TERB1: variants seen among roughly 807,000 people sequenced by gnomAD.
The protein encoded by TERB1 is telomere repeats-binding bouquet formation protein 1.
TERB1 carries 63 observed loss-of-function variants against 92.3 expected under a neutral mutation model. That is an observed-to-expected ratio of 0.68 (90% CI 0.56 to 0.84). TERB1 has a LOEUF of 0.84. Among genes scored for constraint, TERB1 ranks in the 40% least tolerant of loss-of-function variants. TERB1 has a pLI of 0.00. For missense variants in TERB1, 709 were observed against 843.7 expected, an observed-to-expected ratio of 0.84 and a Z score of 1.98; for synonymous variants, 252 against 283.9, an observed-to-expected ratio of 0.89 and a Z score of 1.13.
In TERB1 at chr16:66,758,832, A is replaced by C; in HGVS notation, c.1937T>G (p.Leu646Arg). The change falls in exon 18 of 19, where the codon CTG becomes CGG. Residue 646 changes from leucine to arginine, a missense_variant. Coordinates refer to ENST00000433154, the MANE Select transcript of TERB1 (RefSeq NM_001136505.2). Reference protein sequence around the residue: ...RKSLICNKKILLTPRRRQRLS... With the variant: ...RKSLICNKKIRLTPRRRQRLS... ...TCGTTGTCTTCTACGTGGGGTCAGC[A>C]GAATTTCTGAAAAATATGGAAAACA... 1 of 1,531,712 alleles carries C rather than the reference A, an allele frequency of 6.5e-7. No individual in the cohort carries two copies. The highest frequency in any genetic ancestry group is 1.2e-5 in the South Asian group (1 of 81,196). The allele number at this position is 1,531,712 out of a possible 1,614,324, so 94.9% of individuals were successfully genotyped here. A position where few individuals can be genotyped will look rare whatever the true frequency, so the allele number is the denominator to read the frequency against.
intron 17 of TERB1, 58 bp downstream of exon 17, chr16:66,759,083 G>T: frequency 7.5e-7 from 1 of 1,336,248 alleles, no homozygotes; most frequent in South Asian, 1.5e-5. Context: ...TAATGCTTTA[G>T]ATAATAGTTC....
Position 66,790,595 on chromosome 16 carries a change from C to A in TERB1, c.271G>T (p.Val91Phe). The A allele has an allele frequency of 6.5e-7, 1 of 1,535,604 alleles. No homozygotes were observed. Among genetic ancestry groups the A allele is most frequent in the East Asian group, 2.5e-5 (1 of 40,646 alleles). ...AATGAAATAAAGTTTTATATTTTAC[C>A]ATTTTTCTCTGCAATAGCTCCTAAT... ...YTLGAIAEKN[V>F]YCQQTLCTSE... is the part of the protein sequence containing the mutation. Residue 91 changes from valine to phenylalanine, a missense_variant and splice_region_variant, in exon 5 of 19, where the codon GTT becomes TTT. Coordinates refer to ENST00000433154, the MANE Select transcript of TERB1 (RefSeq NM_001136505.2).
chr16:66,775,709 A>ATTTT (rs201460994), intron 11 of TERB1, among the ~76,000 whole-genome samples: 2 of 129,602 alleles, frequency 1.5e-5, no homozygotes, highest in African/African-American at 2.9e-5. Flanking sequence ...TTTCAAAAGG[A>ATTTT]TTTTTTTTTT....
intron 2 of TERB1, among the ~76,000 whole-genome samples, chr16:66,799,385 G>A (rs1028725867): frequency 2.4e-4 from 36 of 152,044 alleles, no homozygotes; most frequent in South Asian, 4.2e-4. Flanking sequence ...GCACCACCAT[G>A]CCTGGCTAAT....
chr16:66,789,815 A>G (rs1289844487), intron 5 of TERB1, among the ~76,000 whole-genome samples: 4 of 150,986 alleles, frequency 2.6e-5, no homozygotes, highest in Non-Finnish European at 5.9e-5. Context: ...GGCTCAAGCA[A>G]TCTCCCACCT....
At position 66,790,630 on chromosome 16, in the gene TERB1, G is replaced by A. The variant is rs899010486; in HGVS notation, c.236C>T (p.Ala79Val). 15 of 1,549,260 alleles carry A rather than the reference G, an allele frequency of 9.7e-6. No individual in the cohort carries two copies. In the South Asian group the frequency reaches 1.3e-4, roughly 14 times the overall value. ...SSEHSMVKEA[A>V]LYTLGAIAEK... is the part of the protein sequence containing the mutation. ...TGCAATAGCTCCTAATGTATATAAG[G>A]CTGCTTCTTTTACCATGCTATGTTC... The change falls in exon 5 of 19, where the codon GCC becomes GTC. Residue 79 changes from alanine (A) to valine (V), a missense_variant. Coordinates refer to ENST00000433154, the MANE Select transcript of TERB1 (RefSeq NM_001136505.2).
rs1477309930 is a variant in TERB1, at chr16:66,785,903, T to G, written c.583A>C (p.Asn195His). 6.5e-7 allele frequency: 1 copy of G among 1,542,534 alleles called. No homozygotes were observed. The highest frequency in any genetic ancestry group is 1.4e-5 in the African/African-American group (1 of 72,824). Residue 195 changes from asparagine (N) to histidine (H), a missense_variant, in exon 9 of 19, where the codon AAT becomes CAT. Transcript: ENST00000433154. The stretch of plus-strand genomic sequence containing the variant: ...AAAAGGGAACAGCAAAACATTTGAT[T>G]CTCATCTGAAAGAAGACAAAGTCAA... ...VCVNNPQNDE[N>H]QMFCCSLFPH...
At chr16:66,801,310 C>CT (rs1959285056) in intron 1 of TERB1, among the ~76,000 whole-genome samples, 158 bp downstream of exon 1, 1 of 152,222 alleles carries the variant, frequency 6.6e-6, no homozygotes, top group Admixed American at 6.5e-5. Context: ...ATGACTGTCT[C>CT]TTCCCGCCAA....
Position 66,777,326 on chromosome 16 carries a change from C to A in TERB1, c.862G>T (p.Gly288Trp). The change falls in exon 11 of 19, where the codon GGG becomes TGG. Residue 288 changes from glycine to tryptophan, a missense_variant. By Grantham distance (184) the Gly-to-Trp change is radical. Transcript: ENST00000433154. ...ATGTGGTACTTGGAGAGTACTATCC[C>A]AAAAGTAGCTATTAGTATAAAATAG... ...DACIADNPTF[G>W]IVLSKYHIVS... The A allele has an allele frequency of 6.5e-7, 1 of 1,536,482 alleles. No individual in the cohort carries two copies. The highest frequency in any genetic ancestry group is 1.2e-5 in the South Asian group (1 of 83,192).
intron 13 of TERB1, among the ~76,000 whole-genome samples, 163 bp from the exon 14 acceptor site, chr16:66,770,472 A>T (rs771994919): frequency 2.0e-5 from 3 of 151,698 alleles, no homozygotes; most frequent in Non-Finnish European, 3.0e-5. Flanking sequence ...GAGTTTATTC[A>T]TTAAACAATA....
intron 14 of TERB1, among the ~76,000 whole-genome samples, chr16:66,769,162 A>G (rs1031259659): frequency 1.3e-5 from 2 of 152,046 alleles, no homozygotes; most frequent in Non-Finnish European, 2.9e-5. Context: ...ACTCTATAGG[A>G]GAAAGAAGGG....
At chr16:66,762,030 C>T (rs569375273) in intron 16 of TERB1, among the ~76,000 whole-genome samples, 1 of 152,136 alleles carries the variant, frequency 6.6e-6, no homozygotes, top group South Asian at 2.1e-4. Flanking sequence ...GCCAGCCTGG[C>T]GACAGAGTGA....
intron 2 of TERB1, among the ~76,000 whole-genome samples, chr16:66,797,661 A>T (rs1041304797): frequency 2.0e-5 from 3 of 148,488 alleles, no homozygotes; most frequent in Non-Finnish European, 3.0e-5. Context: ...ACACACACAC[A>T]CTCTTTAGAT....
At chr16:66,789,948 T>A (rs1466352765) in intron 5 of TERB1, among the ~76,000 whole-genome samples, 3 of 152,082 alleles carry the variant, frequency 2.0e-5, no homozygotes, top group Non-Finnish European at 2.9e-5. Flanking sequence ...TGAGGTCAAG[T>A]GATCCACCTG....
chr16:66,796,304 T>C (rs1358026708), intron 3 of TERB1, among the ~76,000 whole-genome samples: 2 of 152,224 alleles, frequency 1.3e-5, no homozygotes, highest in Non-Finnish European at 2.9e-5. Context: ...ATTTCCAAGA[T>C]ACCACATTCC....
In TERB1 at chr16:66,775,221, A is replaced by G. The variant is rs374234107; in HGVS notation, c.1008T>C (p.Phe336=). 46 of 1,550,958 alleles carry G rather than the reference A, an allele frequency of 3.0e-5. 1 individual carries two copies. In the Middle Eastern group the frequency reaches 1.2e-3, roughly 39 times the overall value. Reference sequence around the variant, plus strand: ...TCATGAGTGGAAGCCCATTGTTTTTAAAAAGGTCATACTGATTTTCCTCTG... The same window carrying G: ...TCATGAGTGGAAGCCCATTGTTTTTGAAAAGGTCATACTGATTTTCCTCTG... ...EDCEENQYDL[F]KNNGLPLMIQ... The change falls in exon 12 of 19, where the codon TTT becomes TTC. Residue 336 remains phenylalanine (F), a synonymous_variant. Coordinates refer to ENST00000433154, the MANE Select transcript of TERB1 (RefSeq NM_001136505.2).
intron 12 of TERB1, among the ~76,000 whole-genome samples, chr16:66,773,842 T>C (rs964298233): frequency 2.0e-5 from 3 of 152,210 alleles, no homozygotes; most frequent in Non-Finnish European, 4.4e-5. Flanking sequence ...CTGATGTCCC[T>C]GATGTCTAGC....
At position 66,759,283 on chromosome 16, in the gene TERB1, T is replaced by C. The variant is rs1481922359; in HGVS notation, c.1788A>G (p.Ile596Met). ...GGCTATTCAGGGATTTTTCTACTGCTATGCAACCTAAAAGAAAACAAATTA... is the reference window on the plus strand; with the variant it reads ...GGCTATTCAGGGATTTTTCTACTGCCATGCAACCTAAAAGAAAACAAATTA... ...EMLTYRCSGC[I>M]AVEKSLNSRN... is the part of the protein sequence containing the mutation. Residue 596 changes from isoleucine (I) to methionine (M), a missense_variant, in exon 17 of 19, where the codon ATA becomes ATG. Physicochemically the swap from Ile to Met is conservative, Grantham distance 10. Transcript: ENST00000433154. 1.3e-6 allele frequency: 2 copies of C among 1,531,766 alleles called. No individual in the cohort carries two copies. Among genetic ancestry groups the C allele is most frequent in the East Asian group, 4.9e-5 (2 of 40,820 alleles). 94.9% of individuals were successfully genotyped at this position (1,531,766 alleles called of 1,614,324 possible). A position where few individuals can be genotyped will look rare whatever the true frequency, so the allele number is the denominator to read the frequency against.
Position 66,774,040 on chromosome 16 carries a change from T to C in TERB1, c.1111+1078A>G, listed in dbSNP as rs566640136. 1.3e-3 allele frequency among the ~76,000 whole-genome samples: 174 copies of C among 134,360 alleles called. 5 individuals carry two copies. The South Asian group carries it at 0.041, about 31-fold the overall frequency. 88.1% of individuals were successfully genotyped at this position (134,360 alleles called of 152,430 possible). On this transcript the variant is annotated intron_variant, in intron 12 of 18. Transcript: ENST00000433154. ...GGCTACAGGCGTGCGCCACCAGGCC[T>C]GGCTAATTTTTTTTGTATTTTTAGT...
Sources: gnomAD v4.1 joint callset for allele counts (sites outside exome capture counted in the v4.1 genomes callset) on GRCh38, gnomAD v4.1.1 for gene constraint, MANE v1.5 for transcripts, NCBI Gene and HGNC (gene_info 2026-07-23, HGNC 2026-07-21) for gene names.